HUNK: variants seen among roughly 807,000 people sequenced by gnomAD.
HUNK encodes the protein hormonally up-regulated Neu-associated kinase, also known as hormonally up-regulated neu tumor-associated kinase.
In HUNK, 21 loss-of-function variants were observed where a neutral mutation model predicts 61.0. That is an observed-to-expected ratio of 0.34 (90% CI 0.24 to 0.50). HUNK has a LOEUF of 0.50. Ranked by LOEUF, HUNK falls within the 20% of genes least tolerant of loss-of-function variation. The pLI is 0.98. For missense variants in HUNK, 772 were observed against 945.7 expected (o/e 0.82, Z 2.41); for synonymous variants, 371 against 386.1 (o/e 0.96, Z 0.46).
chr21:31,928,768 T>C (rs1260096366), intron 2 of HUNK, among the ~76,000 whole-genome samples: 2 of 152,214 alleles, frequency 1.3e-5, no homozygotes, highest in African/African-American at 4.8e-5. Context: ...ACCACTAATT[T>C]TGGGTGTTCG....
chr21:31,990,026 A>G, intron 8 of HUNK, 103 bp from the exon 9 acceptor site: 1 of 1,069,042 alleles, frequency 9.4e-7, no homozygotes, highest in Non-Finnish European at 1.5e-6. Context: ...GAAAACCGAA[A>G]CGAATAATTC....
At chr21:31,899,616 A>G (rs905909962) in intron 1 of HUNK, among the ~76,000 whole-genome samples, 1 of 152,166 alleles carries the variant, frequency 6.6e-6, no homozygotes, top group Admixed American at 6.5e-5. Context: ...GGGAAACCCA[A>G]TTTAACCTAT....
chr21:31,948,418 A>T (rs1280927520), intron 4 of HUNK, among the ~76,000 whole-genome samples: 1 of 152,170 alleles, frequency 6.6e-6, no homozygotes, highest in Non-Finnish European at 1.5e-5. Flanking sequence ...CTGTGTCTCC[A>T]GCTGGCTGGC....
chr21:31,913,930 G>A (rs1177952878), intron 1 of HUNK, among the ~76,000 whole-genome samples: 1 of 152,026 alleles, frequency 6.6e-6, no homozygotes, highest in Non-Finnish European at 1.5e-5. Context: ...GGCTGTCTGG[G>A]CTTCCGTGTC....
At chr21:31,875,691 G>C (rs2052256562) in intron 1 of HUNK, among the ~76,000 whole-genome samples, 1 of 152,192 alleles carries the variant, frequency 6.6e-6, no homozygotes, top group Non-Finnish European at 1.5e-5. Context: ...TGTTGGCACT[G>C]GCGATGGAAG....
chr21:31,916,989 T>C (rs1163594478), intron 1 of HUNK, among the ~76,000 whole-genome samples: 1 of 152,144 alleles, frequency 6.6e-6, no homozygotes, highest in African/African-American at 2.4e-5. Context: ...TTTCCTCTCT[T>C]TCTGTCTCTC....
At chr21:31,874,342 G>T (rs530373217) in intron 1 of HUNK, among the ~76,000 whole-genome samples, 4 of 149,170 alleles carry the variant, frequency 2.7e-5, no homozygotes, top group Non-Finnish European at 4.5e-5. Flanking sequence ...GGGGGCGGGG[G>T]GGGCAGGAAA....
chr21:31,902,475 A>C (rs955574674), intron 1 of HUNK, among the ~76,000 whole-genome samples: 1 of 151,810 alleles, frequency 6.6e-6, no homozygotes, highest in Non-Finnish European at 1.5e-5. Context: ...GTGCCATTGC[A>C]CTCCAGCCTG....
In HUNK at chr21:31,993,647, G is replaced by C. The variant is rs181516002; in HGVS notation, c.1306-2121G>C. On this transcript the variant is annotated intron_variant, in intron 9 of 10. Coordinates refer to ENST00000270112, the MANE Select transcript of HUNK (RefSeq NM_014586.2). The stretch of plus-strand genomic sequence containing the variant: ...GTAACATTGCCTTTGCTGCTGGATG[G>C]GTGTGTGTCTCTGTGTGTGTAAGCG... Among the ~76,000 whole-genome samples the C allele has an allele frequency of 2.6e-5, 4 of 152,260 alleles. No homozygotes were observed. The East Asian group carries it at 7.7e-4, about 29-fold the overall frequency.
rs375635912 is a variant in HUNK, at chr21:32,001,118, C to A, written c.*1934C>A. The A allele has an allele frequency of 0.016, 2,413 of 153,086 alleles. 45 individuals carry two copies. The highest frequency in any genetic ancestry group is 0.041 in the African/African-American group (1,684 of 40,822). 9.5% of individuals were successfully genotyped at this position (153,086 alleles called of 1,614,324 possible). On this transcript the variant is annotated 3_prime_UTR_variant, in exon 11 of 11. Transcript: ENST00000270112. ...GAAAGCCCGTCTCTACCGAAAAATA[C>A]AAAAAAAAATAGCTGGGTGTGGTGG...
chr21:32,001,855 G>A lies in HUNK; in HGVS notation c.*2671G>A, dbSNP rs966923935. On this transcript the variant is annotated 3_prime_UTR_variant, in exon 11 of 11. Transcript: ENST00000270112. Reference sequence around the variant, plus strand: ...TCCAGTCACCCTGTAGTTACTGACAGAAATTGACTGGACTGTCATTGTGTG... The same window carrying A: ...TCCAGTCACCCTGTAGTTACTGACAAAAATTGACTGGACTGTCATTGTGTG... The A allele has an allele frequency of 2.6e-5, 4 of 152,660 alleles. No individual in the cohort carries two copies. The highest frequency in any genetic ancestry group is 5.9e-5 in the Non-Finnish European group (4 of 68,046). The allele number at this position is 152,660 out of a possible 1,614,324, so 9.5% of individuals were successfully genotyped here.
At chr21:31,985,216 A>G (rs78371017) in intron 8 of HUNK, among the ~76,000 whole-genome samples, 12,719 of 152,246 alleles carry the variant, frequency 0.084, 585 homozygotes, top group African/African-American at 0.12. Context: ...AAGGGATCAA[A>G]AAGGGACCCT....
intron 4 of HUNK, among the ~76,000 whole-genome samples, chr21:31,948,192 G>A (rs548524652): frequency 5.9e-5 from 9 of 152,350 alleles, no homozygotes; most frequent in African/African-American, 9.6e-5. Context: ...CCAACGTGGC[G>A]TGTGGGGACC....
chr21:31,982,812 A>G (rs1221183294), intron 7 of HUNK, among the ~76,000 whole-genome samples: 6 of 150,862 alleles, frequency 4.0e-5, no homozygotes, highest in Non-Finnish European at 8.9e-5. Flanking sequence ...TTTTATTTTT[A>G]TTTTTTTGAG....
At chr21:31,998,486 C>G in intron 10 of HUNK, 40 bp from the exon 11 acceptor site, 2 of 1,525,446 alleles carry the variant, frequency 1.3e-6, no homozygotes, top group Non-Finnish European at 1.8e-6. Flanking sequence ...GAGCACTGTC[C>G]GGACGTCCTC....
intron 5 of HUNK, among the ~76,000 whole-genome samples, chr21:31,963,075 G>A (rs1026714785): frequency 1.3e-4 from 20 of 152,116 alleles, no homozygotes; most frequent in Admixed American, 1.1e-3. Context: ...TTTGCACCCC[G>A]CTAAGTTTAT....
chr21:31,968,343 A>G lies in HUNK; in HGVS notation c.968A>G (p.Asn323Ser), dbSNP rs749592950. 1.9e-6 allele frequency: 3 copies of G among 1,614,202 alleles called. No individual in the cohort carries two copies. The East Asian group carries it at 6.7e-5, about 36-fold the overall frequency. ...QALANRWLNE[N>S]YTGKVPCNVT... ...CTGGCGAATCGCTGGCTTAATGAGA[A>G]TTACACGGGCAAAGTGCCCTGTAAT... The change falls in exon 6 of 11, where the codon AAT (asparagine) becomes AGT (serine). Residue 323 changes from asparagine (N) to serine (S), a missense_variant. Physicochemically the swap from Asn to Ser is conservative, Grantham distance 46. Around this residue, in one of 2 missense-constraint regions of HUNK, gnomAD observed 359 missense variants for 501.3 expected, o/e 0.72. Coordinates refer to ENST00000270112, the MANE Select transcript of HUNK (RefSeq NM_014586.2).
intron 2 of HUNK, among the ~76,000 whole-genome samples, chr21:31,926,114 C>T (rs1267095850): frequency 1.3e-5 from 2 of 151,988 alleles, no homozygotes; most frequent in Admixed American, 1.3e-4. Context: ...GATGGGCTTT[C>T]TCCATGTTGG....
intron 1 of HUNK, among the ~76,000 whole-genome samples, chr21:31,874,382 G>A (rs1289588283): frequency 6.6e-6 from 1 of 151,948 alleles, no homozygotes; most frequent in Non-Finnish European, 1.5e-5. Flanking sequence ...GGGGAGCTTA[G>A]AGTCTGATCC....
Sources: allele counts gnomAD v4.1 joint callset (sites outside exome capture counted in the v4.1 genomes callset), GRCh38; gene constraint gnomAD v4.1.1; regional missense constraint gnomAD v4.1.1; transcripts MANE v1.5; gene names NCBI Gene and HGNC (gene_info 2026-07-23, HGNC 2026-07-21).